Variants in DCAF8L2 observed in about 807,000 individuals in gnomAD.
DCAF8L2 encodes the protein DDB1 and CUL4 associated factor 8 like 2.
For missense variants in DCAF8L2, 430 were observed against 490.7 expected (o/e 0.88, Z 1.17); for synonymous variants, 200 against 190.9 (o/e 1.05, Z -0.39).
At chrX:27,567,417 A>G in the DCAF8L2 span, among the ~76,000 whole-genome samples, 4 of 105,636 alleles carry the variant, frequency 3.8e-5, no homozygotes, top group Non-Finnish European at 7.8e-5. Flanking sequence ...GATGTTGGGT[A>G]GGTATATATT....
chrX:27,549,720 A>G, the DCAF8L2 span, among the ~76,000 whole-genome samples: 2 of 111,763 alleles, frequency 1.8e-5, no homozygotes, highest in Middle Eastern at 4.7e-3. Context: ...ACTGATCTAC[A>G]GATAAATGAT....
chrX:27,743,033 T>A (rs1423215674), intron 4 of DCAF8L2, among the ~76,000 whole-genome samples: 1 of 112,428 alleles, frequency 8.9e-6, no homozygotes, highest in Admixed American at 9.4e-5. Flanking sequence ...TTTTTTAAAG[T>A]GTGTAACTAA....
At chrX:27,522,423 T>C in the DCAF8L2 span, among the ~76,000 whole-genome samples, 4 of 112,518 alleles carry the variant, frequency 3.6e-5, no homozygotes, top group Non-Finnish European at 7.5e-5. Context: ...TATTGCTCTT[T>C]CTGTTATTGT....
At chrX:27,615,393 C>T (rs910753585) in intron 1 of DCAF8L2, among the ~76,000 whole-genome samples, 1 of 111,336 alleles carries the variant, frequency 9.0e-6, no homozygotes, top group Non-Finnish European at 1.9e-5. Context: ...AATTTTAAAA[C>T]ATGAAATACT....
the DCAF8L2 span, among the ~76,000 whole-genome samples, chrX:27,481,091 G>A: frequency 1.8e-5 from 2 of 111,130 alleles, no homozygotes; most frequent in African/African-American, 6.6e-5. Context: ...AAGAATTTTG[G>A]TATTGGCCGG....
At chrX:27,654,420 T>C (rs1287993679) in intron 2 of DCAF8L2, among the ~76,000 whole-genome samples, 8 of 112,332 alleles carry the variant, frequency 7.1e-5, no homozygotes, top group Non-Finnish European at 1.3e-4. Context: ...CAAATAACTA[T>C]ATAATCTTAT....
chrX:27,506,496 C>G, the DCAF8L2 span, among the ~76,000 whole-genome samples: 1 of 110,935 alleles, frequency 9.0e-6, no homozygotes, highest in African/African-American at 3.3e-5. Flanking sequence ...CAGATATTAG[C>G]AAGGCCACAC....
At chrX:27,547,513 A>G in the DCAF8L2 span, among the ~76,000 whole-genome samples, 3 of 112,185 alleles carry the variant, frequency 2.7e-5, no homozygotes, top group Non-Finnish European at 5.6e-5. Context: ...ACAGTTCTGC[A>G]TGGCTGGAGA....
chrX:27,674,443 G>A (rs769015479), intron 2 of DCAF8L2, among the ~76,000 whole-genome samples: 13 of 111,263 alleles, frequency 1.2e-4, no homozygotes, highest in Non-Finnish European at 1.9e-4. Context: ...GGGCCTAAAG[G>A]TTGAATAGAA....
intron 4 of DCAF8L2, among the ~76,000 whole-genome samples, chrX:27,742,516 C>T (rs1921911512): frequency 9.2e-6 from 1 of 108,706 alleles, no homozygotes. Context: ...TTGCAGTGAG[C>T]CCAGATCACG....
At chrX:27,558,452 G>C in the DCAF8L2 span, among the ~76,000 whole-genome samples, 1 of 111,145 alleles carries the variant, frequency 9.0e-6, no homozygotes, top group Non-Finnish European at 1.9e-5. Context: ...ACAGCCTCCA[G>C]TGGTCATTGG....
the DCAF8L2 span, among the ~76,000 whole-genome samples, chrX:27,533,148 G>A: frequency 1.0e-2 from 170 of 17,018 alleles, 9 homozygotes; most frequent in African/African-American, 0.032. Flanking sequence ...GGAAGAAAGA[G>A]AGAGAGAGAG....
At chrX:27,536,979 C>T in the DCAF8L2 span, among the ~76,000 whole-genome samples, 1 of 112,257 alleles carries the variant, frequency 8.9e-6, no homozygotes, top group Non-Finnish European at 1.9e-5. Context: ...GATTATTTCT[C>T]GTACCCTCTC....
the DCAF8L2 span, among the ~76,000 whole-genome samples, chrX:27,554,276 A>T: frequency 1.5e-4 from 17 of 112,044 alleles, no homozygotes; most frequent in South Asian, 6.3e-3. Context: ...CTTACAGCAC[A>T]TAAAGATTCT....
chrX:27,500,844 G>A, the DCAF8L2 span, among the ~76,000 whole-genome samples: 1 of 111,356 alleles, frequency 9.0e-6, no homozygotes, highest in Non-Finnish European at 1.9e-5. Context: ...CCAAATTATG[G>A]TCCCTGAATC....
the DCAF8L2 span, among the ~76,000 whole-genome samples, chrX:27,530,672 G>A: frequency 2.7e-5 from 3 of 111,722 alleles, no homozygotes; most frequent in South Asian, 3.7e-4. Flanking sequence ...TGTCCAGAAC[G>A]TGGATTGTGG....
chrX:27,612,318 T>A (rs1360350954), intron 1 of DCAF8L2, among the ~76,000 whole-genome samples: 4 of 112,102 alleles, frequency 3.6e-5, no homozygotes, highest in African/African-American at 1.3e-4. Context: ...TAAATTTGTT[T>A]AAGTTCTTTG....
chrX:27,702,037 C>T (rs1028330377), intron 3 of DCAF8L2, among the ~76,000 whole-genome samples: 7 of 110,641 alleles, frequency 6.3e-5, no homozygotes, highest in Non-Finnish European at 5.7e-5. Flanking sequence ...ATACCACTAC[C>T]GACCTTAGAT....
intron 3 of DCAF8L2, among the ~76,000 whole-genome samples, chrX:27,706,633 A>G (rs1266246062): frequency 1.8e-5 from 2 of 111,917 alleles, no homozygotes; most frequent in Admixed American, 1.9e-4. Context: ...CACAATGAAA[A>G]GTGTTGGCAA....
Sources: gnomAD v4.1 joint callset for allele counts (sites outside exome capture counted in the v4.1 genomes callset) on GRCh38, gnomAD v4.1.1 for gene constraint, MANE v1.5 for transcripts, NCBI Gene and HGNC (gene_info 2026-07-23, HGNC 2026-07-21) for gene names.